The following SLC44A5 variants were observed in gnomAD, a reference collection of about 807,000 sequenced individuals.
The protein encoded by SLC44A5 is solute carrier family 44 member 5.
A neutral mutation model predicts 101.8 loss-of-function variants in SLC44A5; 57 were observed. The observed-to-expected ratio is 0.56, with a 90% CI of 0.45 to 0.70. The LOEUF is 0.70. Among genes scored for constraint, SLC44A5 ranks in the 30% least tolerant of loss-of-function variants. SLC44A5 has a pLI of 0.00. For missense variants in SLC44A5, 737 were observed against 853.1 expected (o/e 0.86, Z 1.70); for synonymous variants, 281 against 290.9 (o/e 0.97, Z 0.35).
chr1:75,656,218 G>C, the SLC44A5 span, among the ~76,000 whole-genome samples: 1 of 152,180 alleles, frequency 6.6e-6, no homozygotes, highest in Admixed American at 6.5e-5. Context: ...AAAGCTAGGA[G>C]AATTAATCAC....
chr1:75,667,973 TAGAA>T, the SLC44A5 span, among the ~76,000 whole-genome samples: 1 of 152,202 alleles, frequency 6.6e-6, no homozygotes, highest in African/African-American at 2.4e-5. Context: ...TGGGGTCTCT[TAGAA>T]AGCCTGAATT....
intron 3 of SLC44A5, among the ~76,000 whole-genome samples, chr1:75,342,169 A>G (rs969435244): frequency 3.3e-5 from 5 of 152,176 alleles, no homozygotes; most frequent in Admixed American, 2.0e-4. Flanking sequence ...GAGTTTTAGG[A>G]AGAGACACAG....
At chr1:75,591,911 C>T (rs1434341834) in intron 1 of SLC44A5, among the ~76,000 whole-genome samples, 1 of 151,716 alleles carries the variant, frequency 6.6e-6, no homozygotes, top group Non-Finnish European at 1.5e-5. Context: ...ATGACAGATC[C>T]ACAGCTAGTG....
intron 2 of SLC44A5, among the ~76,000 whole-genome samples, chr1:75,400,168 A>T (rs917834503): frequency 6.6e-6 from 1 of 152,204 alleles, no homozygotes; most frequent in South Asian, 2.1e-4. Flanking sequence ...AACAATAGAC[A>T]TTCATGACTC....
intron 2 of SLC44A5, among the ~76,000 whole-genome samples, chr1:75,529,564 A>T (rs1670607180): frequency 6.6e-6 from 1 of 152,198 alleles, no homozygotes; most frequent in African/African-American, 2.4e-5. Context: ...GCATTTTAGA[A>T]GGAAAAGTAC....
intron 2 of SLC44A5, among the ~76,000 whole-genome samples, chr1:75,469,693 G>A (rs2972004): frequency 0.012 from 1,849 of 152,222 alleles, 36 homozygotes; most frequent in South Asian, 0.039. Context: ...TGAGGCAGAA[G>A]GATTGCTTGA....
rs1045579104 is a variant in SLC44A5 at position 75,368,543 on chromosome 1, T to A, written c.52+28040A>T. 2.0e-5 allele frequency among the ~76,000 whole-genome samples: 3 copies of A among 152,198 alleles called. No homozygotes were observed. The South Asian group carries it at 6.2e-4, about 31-fold the overall frequency. On this transcript the variant is annotated intron_variant, in intron 3 of 23. Transcript: ENST00000370859. Reference sequence around the variant, plus strand: ...TTTGACTTAGGTGGCATTAACTCAATATTTCTAGAAGATATGTTTATAAAG... The same window carrying A: ...TTTGACTTAGGTGGCATTAACTCAAAATTTCTAGAAGATATGTTTATAAAG...
chr1:75,400,978 A>G (rs994439568), intron 2 of SLC44A5, among the ~76,000 whole-genome samples: 4 of 152,178 alleles, frequency 2.6e-5, no homozygotes, highest in African/African-American at 9.7e-5. Flanking sequence ...ATACTGCAAT[A>G]GACAAGGCAA....
intron 3 of SLC44A5, among the ~76,000 whole-genome samples, chr1:75,390,847 A>C (rs1453361768): frequency 1.3e-5 from 2 of 152,200 alleles, no homozygotes; most frequent in Non-Finnish European, 2.9e-5. Context: ...TAGCTAGTGC[A>C]ATCAGGTGAG....
intron 6 of SLC44A5, among the ~76,000 whole-genome samples, chr1:75,254,972 C>T (rs1392753743): frequency 6.6e-6 from 1 of 152,110 alleles, no homozygotes; most frequent in Non-Finnish European, 1.5e-5. Flanking sequence ...GCACTGAATG[C>T]CATGCTGGGC....
chr1:75,267,446 C>T (rs372423087), intron 6 of SLC44A5, among the ~76,000 whole-genome samples: 1 of 151,986 alleles, frequency 6.6e-6, no homozygotes. Flanking sequence ...AAGTGATACA[C>T]ATTTTTGGTA....
intron 13 of SLC44A5, among the ~76,000 whole-genome samples, chr1:75,225,823 A>T (rs1557546012): frequency 6.6e-6 from 1 of 152,108 alleles, no homozygotes; most frequent in Non-Finnish European, 1.5e-5. Context: ...TAAGCTCTGT[A>T]TTTTCCTAAA....
intron 2 of SLC44A5, among the ~76,000 whole-genome samples, chr1:75,490,044 A>AT (rs1470770592): frequency 2.2e-5 from 3 of 138,032 alleles, no homozygotes; most frequent in African/African-American, 3.2e-5. Flanking sequence ...AAATTGTAAA[A>AT]TTAAAAAAAA....
intron 2 of SLC44A5, among the ~76,000 whole-genome samples, chr1:75,406,867 G>A (rs1277664829): frequency 6.8e-6 from 1 of 146,086 alleles, no homozygotes; most frequent in Non-Finnish European, 1.5e-5. Flanking sequence ...AGGGCAATCA[G>A]GCAAGAGAAA....
chr1:75,485,541 T>C (rs1411280185), intron 2 of SLC44A5, among the ~76,000 whole-genome samples: 2 of 152,232 alleles, frequency 1.3e-5, no homozygotes, highest in Non-Finnish European at 2.9e-5. Flanking sequence ...AACTAGTCTC[T>C]AGGAAGTTCC....
chr1:75,451,656 C>A (rs572644958), intron 2 of SLC44A5, among the ~76,000 whole-genome samples: 1 of 152,046 alleles, frequency 6.6e-6, no homozygotes, highest in Non-Finnish European at 1.5e-5. Context: ...TAAAAGATTG[C>A]ATTCTGTCTT....
intron 2 of SLC44A5, among the ~76,000 whole-genome samples, chr1:75,398,043 A>G (rs916850977): frequency 6.6e-6 from 1 of 152,186 alleles, no homozygotes; most frequent in Non-Finnish European, 1.5e-5. Context: ...TTAAAATAGT[A>G]TGTACGTGCA....
chr1:75,330,500 T>C (rs1656969133), intron 4 of SLC44A5, among the ~76,000 whole-genome samples: 1 of 152,188 alleles, frequency 6.6e-6, no homozygotes. Context: ...TCAAAGTCCC[T>C]GCTTCCATTG....
the SLC44A5 span, among the ~76,000 whole-genome samples, chr1:75,646,482 C>T: frequency 3.3e-5 from 5 of 152,118 alleles, no homozygotes; most frequent in African/African-American, 7.2e-5. Flanking sequence ...AATAGGGAAG[C>T]CTGTGTATTT....
Sources: allele counts gnomAD v4.1 joint callset (sites outside exome capture counted in the v4.1 genomes callset), GRCh38; gene constraint gnomAD v4.1.1; transcripts MANE v1.5; gene names NCBI Gene and HGNC (gene_info 2026-07-23, HGNC 2026-07-21).